RBFOX1: variants seen among roughly 807,000 people sequenced by gnomAD.
RBFOX1 encodes RNA binding fox-1 homolog 1, also known as RNA binding protein fox-1 homolog 1.
RBFOX1 carries 8 observed loss-of-function variants against 57.7 expected under a neutral mutation model. The observed-to-expected ratio is 0.14, with a 90% confidence interval of 0.08 to 0.25. RBFOX1 has a LOEUF of 0.25. Among genes scored for constraint, RBFOX1 ranks in the 10% least tolerant of loss-of-function variants. The pLI is 1.00. For synonymous variants in RBFOX1, 326 were observed against 222.4 expected (o/e 1.47, Z -4.15); for missense variants, 611 against 548.5 (o/e 1.11, Z -1.14).
chr16:6,138,406 G>A (rs1279316043), intron 1 of RBFOX1, among the ~76,000 whole-genome samples: 1 of 152,174 alleles, frequency 6.6e-6, no homozygotes, highest in African/African-American at 2.4e-5. Flanking sequence ...GCCTGGTTGG[G>A]TTCACATATG....
At chr16:6,676,609 C>T (rs1366499080) in intron 3 of RBFOX1, among the ~76,000 whole-genome samples, 2 of 151,820 alleles carry the variant, frequency 1.3e-5, no homozygotes, top group Admixed American at 6.6e-5. Flanking sequence ...AAAAAGGATA[C>T]CAGGAGCCTT....
At chr16:5,365,759 C>T in intron 1 of RBFOX1, 1 of 474,924 alleles carries the variant, frequency 2.1e-6, no homozygotes, top group Admixed American at 2.3e-5. Flanking sequence ...TTATCTCTGT[C>T]CGCCTTCTCT....
intron 4 of RBFOX1, among the ~76,000 whole-genome samples, chr16:7,183,780 C>T (rs1384299340): frequency 6.6e-6 from 1 of 152,220 alleles, no homozygotes; most frequent in African/African-American, 2.4e-5. Flanking sequence ...ATTTCATCTC[C>T]TTTCAGTGTG....
intron 5 of RBFOX1, among the ~76,000 whole-genome samples, chr16:7,524,727 C>T (rs1159257559): frequency 2.6e-5 from 4 of 152,148 alleles, no homozygotes; most frequent in South Asian, 2.1e-4. Flanking sequence ...TGGCCTCAGC[C>T]GCTTCCCACT....
At chr16:7,269,479 G>A (rs1193444713) in intron 4 of RBFOX1, among the ~76,000 whole-genome samples, 1 of 151,892 alleles carries the variant, frequency 6.6e-6, no homozygotes, top group Admixed American at 6.6e-5. Flanking sequence ...AGAGAGAGAG[G>A]CAGACAGAGG....
At chr16:7,562,306 G>T (rs2090569504) in intron 5 of RBFOX1, among the ~76,000 whole-genome samples, 2 of 152,150 alleles carry the variant, frequency 1.3e-5, no homozygotes, top group African/African-American at 4.8e-5. Context: ...TGGTGAGAAT[G>T]CATTAGGGTA....
intron 4 of RBFOX1, among the ~76,000 whole-genome samples, chr16:7,444,958 C>T (rs1177025103): frequency 1.3e-5 from 2 of 151,988 alleles, no homozygotes; most frequent in East Asian, 1.9e-4. Flanking sequence ...CATGGTGTGT[C>T]ATATGAAGAA....
chr16:7,044,990 G>A (rs1345859547), intron 3 of RBFOX1, among the ~76,000 whole-genome samples: 1 of 152,204 alleles, frequency 6.6e-6, no homozygotes, highest in Non-Finnish European at 1.5e-5. Flanking sequence ...TGATGAGCAA[G>A]GTTGCAGCCG....
chr16:7,180,534 T>C (rs2152518530), intron 4 of RBFOX1, among the ~76,000 whole-genome samples: 1 of 152,252 alleles, frequency 6.6e-6, no homozygotes, highest in South Asian at 2.1e-4. Context: ...TTTTATTGGG[T>C]AGTGCTTTAT....
chr16:6,422,003 C>T (rs2093787661), intron 2 of RBFOX1, among the ~76,000 whole-genome samples: 1 of 150,246 alleles, frequency 6.7e-6, no homozygotes, highest in African/African-American at 2.5e-5. Flanking sequence ...TCACTGCAAC[C>T]TCTGCCTCCA....
chr16:6,081,843 T>C (rs1438046193), intron 1 of RBFOX1, among the ~76,000 whole-genome samples: 1 of 152,150 alleles, frequency 6.6e-6, no homozygotes. Context: ...CTTGGTTTCT[T>C]GAGAGTCCTA....
chr16:5,613,320 C>T (rs1240597578), intron 3 of RBFOX1, among the ~76,000 whole-genome samples: 1 of 152,116 alleles, frequency 6.6e-6, no homozygotes, highest in Non-Finnish European at 1.5e-5. Flanking sequence ...GGTGGGTTCC[C>T]CAATATAAGC....
chr16:6,640,532 CG>C (rs2098478730), intron 2 of RBFOX1, among the ~76,000 whole-genome samples: 1 of 151,958 alleles, frequency 6.6e-6, no homozygotes, highest in Non-Finnish European at 1.5e-5. Flanking sequence ...AGCGTGAACC[CG>C]GGAAGCGGAG....
At chr16:6,360,823 C>T (rs2088334471) in intron 2 of RBFOX1, among the ~76,000 whole-genome samples, 3 of 152,310 alleles carry the variant, frequency 2.0e-5, no homozygotes, top group East Asian at 3.9e-4. Flanking sequence ...ACATAGTTAT[C>T]ATTGTGAATG....
chr16:6,824,556 A>G (rs779225593), intron 3 of RBFOX1, among the ~76,000 whole-genome samples: 2 of 152,192 alleles, frequency 1.3e-5, no homozygotes, highest in Non-Finnish European at 2.9e-5. Context: ...TTTCTTAATA[A>G]TAATCATAAT....
At chr16:5,853,345 AAG>A (rs774684399) in intron 3 of RBFOX1, among the ~76,000 whole-genome samples, 3 of 152,176 alleles carry the variant, frequency 2.0e-5, no homozygotes, top group Non-Finnish European at 4.4e-5. Flanking sequence ...AATCTCCCCA[AAG>A]AGAGGAGAAA....
At chr16:6,170,517 A>G (rs989981329) in intron 1 of RBFOX1, among the ~76,000 whole-genome samples, 1 of 152,222 alleles carries the variant, frequency 6.6e-6, no homozygotes, top group Non-Finnish European at 1.5e-5. Flanking sequence ...ATTGTATTCC[A>G]TGTCAAAGCA....
intron 4 of RBFOX1, among the ~76,000 whole-genome samples, chr16:7,508,253 C>G (rs913318059): frequency 4.6e-5 from 7 of 152,248 alleles, no homozygotes; most frequent in East Asian, 1.9e-4. Context: ...GCTGGGATTA[C>G]AAGCGTGAGC....
At chr16:5,255,973 T>C (rs1248331193) in intron 1 of RBFOX1, among the ~76,000 whole-genome samples, 1 of 151,894 alleles carries the variant, frequency 6.6e-6, no homozygotes, top group Non-Finnish European at 1.5e-5. Flanking sequence ...TTAAATAAGA[T>C]GTCACATTAA....
Sources: allele counts gnomAD v4.1 joint callset (sites outside exome capture counted in the v4.1 genomes callset), GRCh38; gene constraint gnomAD v4.1.1; transcripts MANE v1.5; gene names NCBI Gene and HGNC (gene_info 2026-07-23, HGNC 2026-07-21).